Variants in RNGTT observed in about 807,000 individuals in gnomAD.
RNGTT encodes the protein RNA guanylyltransferase and 5'-phosphatase, also known as mRNA-capping enzyme.
In RNGTT, 33 loss-of-function variants were observed where a neutral mutation model predicts 79.3. That is an observed-to-expected ratio of 0.42 (90% CI 0.32 to 0.56). The LOEUF is 0.56. Among genes scored for constraint, RNGTT ranks in the 20% least tolerant of loss-of-function variants. RNGTT has a pLI of 0.17. For missense variants in RNGTT, 497 were observed against 739.1 expected, an observed-to-expected ratio of 0.67 and a Z score of 3.80; for synonymous variants, 222 against 235.9, an observed-to-expected ratio of 0.94 and a Z score of 0.54.
At chr6:88,917,704 T>C (rs942608071) in intron 4 of RNGTT, among the ~76,000 whole-genome samples, 1 of 149,226 alleles carries the variant, frequency 6.7e-6, no homozygotes, top group Non-Finnish European at 1.5e-5. Context: ...CTGGCCAACA[T>C]GGAGAAACCT....
At chr6:88,877,480 T>C (rs74702022) in intron 8 of RNGTT, among the ~76,000 whole-genome samples, 1 of 152,198 alleles carries the variant, frequency 6.6e-6, no homozygotes, top group Non-Finnish European at 1.5e-5. Context: ...CCAGGCTTAA[T>C]GAATTTGAAT....
chr6:88,884,175 A>G (rs1440052892), intron 8 of RNGTT, among the ~76,000 whole-genome samples: 1 of 152,198 alleles, frequency 6.6e-6, no homozygotes, highest in Non-Finnish European at 1.5e-5. Flanking sequence ...ACTTTCAACA[A>G]TATGGAGGGA....
intron 11 of RNGTT, among the ~76,000 whole-genome samples, chr6:88,809,173 T>G (rs1780055320): frequency 6.6e-6 from 1 of 150,466 alleles, no homozygotes; most frequent in Admixed American, 6.6e-5. Context: ...ACAAAGGGGG[T>G]CAATTCATCA....
chr6:88,849,233 T>A (rs942911305), intron 10 of RNGTT, among the ~76,000 whole-genome samples: 1 of 152,066 alleles, frequency 6.6e-6, no homozygotes. Context: ...CTGAGGCTCT[T>A]AAATTTGAAG....
intron 13 of RNGTT, among the ~76,000 whole-genome samples, chr6:88,748,647 T>C (rs1168276118): frequency 1.3e-5 from 2 of 152,114 alleles, no homozygotes; most frequent in Non-Finnish European, 2.9e-5. Flanking sequence ...GTAAGTTCCA[T>C]GAATCAGGGA....
intron 4 of RNGTT, among the ~76,000 whole-genome samples, chr6:88,908,466 A>C (rs1189863265): frequency 2.0e-5 from 3 of 152,200 alleles, no homozygotes; most frequent in Non-Finnish European, 4.4e-5. Context: ...GAAAACACTG[A>C]AAGCCAATAG....
At chr6:88,896,279 C>T (rs952304907) in intron 6 of RNGTT, among the ~76,000 whole-genome samples, 2 of 152,162 alleles carry the variant, frequency 1.3e-5, no homozygotes, top group African/African-American at 4.8e-5. Context: ...AGCTATTTTA[C>T]ATGACATTAC....
chr6:88,774,210 G>T (rs920054990), intron 12 of RNGTT, among the ~76,000 whole-genome samples: 3 of 151,968 alleles, frequency 2.0e-5, no homozygotes, highest in African/African-American at 7.2e-5. Flanking sequence ...ATAAGCACAT[G>T]AAAAGATGTT....
At chr6:88,894,452 G>C (rs1036492637) in intron 6 of RNGTT, among the ~76,000 whole-genome samples, 4 of 152,124 alleles carry the variant, frequency 2.6e-5, no homozygotes, top group East Asian at 3.8e-4. Flanking sequence ...GGAAGTTAAG[G>C]GCCTAGCCTC....
intron 13 of RNGTT, among the ~76,000 whole-genome samples, chr6:88,689,455 A>G (rs1384090153): frequency 6.6e-6 from 1 of 151,970 alleles, no homozygotes; most frequent in Admixed American, 6.6e-5. Flanking sequence ...TTAGCCAGGC[A>G]TGGTGGCAGG....
intron 4 of RNGTT, among the ~76,000 whole-genome samples, chr6:88,909,763 A>G (rs1213411142): frequency 6.6e-6 from 1 of 152,198 alleles, no homozygotes; most frequent in African/African-American, 2.4e-5. Context: ...CTGCCCTTAT[A>G]TTTAAGCACC....
intron 13 of RNGTT, among the ~76,000 whole-genome samples, chr6:88,739,636 A>C (rs971285480): frequency 6.6e-6 from 1 of 150,522 alleles, no homozygotes; most frequent in Admixed American, 6.6e-5. Context: ...AATACTTTAA[A>C]ATGTTAAAAA....
chr6:88,833,024 T>G (rs950019345), intron 11 of RNGTT, among the ~76,000 whole-genome samples: 6 of 152,166 alleles, frequency 3.9e-5, no homozygotes, highest in Admixed American at 3.3e-4. Context: ...TGGCGATTCC[T>G]CAAGGATCTG....
intron 8 of RNGTT, among the ~76,000 whole-genome samples, chr6:88,889,709 G>GA (rs1782980413): frequency 6.6e-6 from 1 of 151,942 alleles, no homozygotes; most frequent in African/African-American, 2.4e-5. Flanking sequence ...GATTACAAAA[G>GA]AAAAAAATAA....
At chr6:88,810,858 A>G (rs1410530090) in intron 11 of RNGTT, among the ~76,000 whole-genome samples, 2 of 152,238 alleles carry the variant, frequency 1.3e-5, no homozygotes, top group African/African-American at 4.8e-5. Context: ...CATGAGATAG[A>G]TATTTCCTGA....
intron 12 of RNGTT, among the ~76,000 whole-genome samples, chr6:88,789,894 T>C (rs896145650): frequency 7.2e-5 from 11 of 152,340 alleles, no homozygotes; most frequent in Admixed American, 3.3e-4. Flanking sequence ...CCTTTCTTGA[T>C]TTACTTGAAT....
intron 13 of RNGTT, among the ~76,000 whole-genome samples, chr6:88,691,759 AGGTT>A (rs1775490625): frequency 6.6e-6 from 1 of 152,228 alleles, no homozygotes. Context: ...ATAATATAAA[AGGTT>A]GTAATACATA....
intron 14 of RNGTT, among the ~76,000 whole-genome samples, chr6:88,666,454 TC>T (rs1322799666): frequency 3.3e-5 from 5 of 152,176 alleles, no homozygotes; most frequent in Admixed American, 6.5e-5. Context: ...TAAAGGCCCC[TC>T]ATGCAGTGGT....
At chr6:88,756,949 A>G (rs149566093) in intron 13 of RNGTT, among the ~76,000 whole-genome samples, 93 of 152,302 alleles carry the variant, frequency 6.1e-4, no homozygotes, top group African/African-American at 2.2e-3. Context: ...AAAACCCTAA[A>G]AAAATTACAC....
Sources: allele counts gnomAD v4.1 joint callset (sites outside exome capture counted in the v4.1 genomes callset), GRCh38; gene constraint gnomAD v4.1.1; transcripts MANE v1.5; gene names NCBI Gene and HGNC (gene_info 2026-07-23, HGNC 2026-07-21).